The following ROS1 variants were observed in gnomAD, a reference collection of about 807,000 sequenced individuals.
ROS1 encodes the protein ROS proto-oncogene 1, receptor tyrosine kinase.
A neutral mutation model predicts 273.5 loss-of-function variants in ROS1; 263 were observed. The observed-to-expected ratio is 0.96, with a 90% confidence interval of 0.87 to 1.06. The LOEUF (loss-of-function observed/expected upper bound fraction) is 1.06. Ranked by LOEUF, ROS1 falls within the 50% of genes least tolerant of loss-of-function variation. The probability of loss-of-function intolerance (pLI) is 0.00; values close to 1 mark genes in which losing one functional copy is unlikely to be tolerated. For synonymous variants in ROS1, 1,008 were observed against 954.1 expected (o/e 1.06, Z -1.04); for missense variants, 2,833 against 2,751.1 (o/e 1.03, Z -0.67).
rs757843421 is a variant in ROS1 at position 117,337,358 on chromosome 6, G to A, written c.5062-18C>T. The stretch of plus-strand genomic sequence containing the variant: ...TATTTCCACTAGAAAAAGAAGTCTC[G>A]ATTAATATTTTTGTTTCTCTAAGAA... On this transcript the variant is annotated intron_variant, in intron 31 of 43. Transcript: ENST00000368507. 2.0e-5 allele frequency: 32 copies of A among 1,571,890 alleles called. No homozygotes were observed. The highest frequency in any genetic ancestry group is 6.9e-5 in the African/African-American group (5 of 72,490).
At chr6:117,393,113 G>A (rs1289912174) in intron 12 of ROS1, 111 bp downstream of exon 12, 1 of 729,168 alleles carries the variant, frequency 1.4e-6, no homozygotes, top group East Asian at 2.5e-5. Flanking sequence ...CCTAAAGTAA[G>A]ATGCATAGAT....
intron 18 of ROS1, among the ~76,000 whole-genome samples, chr6:117,373,865 C>A (rs1781093494): frequency 6.6e-6 from 1 of 152,216 alleles, no homozygotes; most frequent in Non-Finnish European, 1.5e-5. Flanking sequence ...CAACAGCGAC[C>A]AAGCTGAGAA....
intron 28 of ROS1, among the ~76,000 whole-genome samples, chr6:117,342,818 T>C (rs966525365): frequency 1.6e-4 from 24 of 152,204 alleles, no homozygotes; most frequent in African/African-American, 5.5e-4. Flanking sequence ...AAGAGGACAC[T>C]ATTTCATTAA....
rs745334216 is a variant in ROS1 at position 117,393,258 on chromosome 6, C to T, written c.1255G>A (p.Ala419Thr). 1 of 1,611,970 alleles carries T rather than the reference C, an allele frequency of 6.2e-7. No homozygotes were observed. Among genetic ancestry groups the T allele is most frequent in the Non-Finnish European group, 8.5e-7 (1 of 1,178,274 alleles). Residue 419 changes from alanine (A) to threonine (T), a missense_variant, in exon 12 of 44, where the codon GCA (alanine) becomes ACA (threonine). Transcript: ENST00000368507. The part of the protein sequence containing the change: ...IEEITPPSIS[A>T]PQKIVADSYN... Reference sequence around the variant, plus strand: ...GAATCAGCCACAATTTTTTGAGGTGCACTAATAGAGGGTGGAGTAATTTCC... The same window carrying T: ...GAATCAGCCACAATTTTTTGAGGTGTACTAATAGAGGGTGGAGTAATTTCC...
chr6:117,338,411 T>C (rs1048054011), intron 31 of ROS1, among the ~76,000 whole-genome samples: 9 of 152,000 alleles, frequency 5.9e-5, no homozygotes, highest in African/African-American at 2.2e-4. Context: ...GTCAGGGACA[T>C]TGCCTGCACT....
chr6:117,416,281 G>C lies in ROS1; in HGVS notation c.205C>G (p.Gln69Glu), dbSNP rs1775324534. ...QGCHFWNSVD[Q>E]KNCALKCNDT... ...ACACACTTTAAAGCACAGTTTTTCTGATCTACAGAGTTCCAAAAGTGACAT... is the reference window on the plus strand; with the variant it reads ...ACACACTTTAAAGCACAGTTTTTCTCATCTACAGAGTTCCAAAAGTGACAT... Residue 69 changes from glutamine (Q) to glutamate (E), a missense_variant, in exon 3 of 44, where the codon CAG (glutamine) becomes GAG (glutamate). Transcript: ENST00000368507. The C allele has an allele frequency of 6.3e-7, 1 of 1,597,590 alleles. No homozygotes were observed. The highest frequency in any genetic ancestry group is 1.3e-5 in the African/African-American group (1 of 74,526).
At chr6:117,418,121 A>T (rs1775472415) in intron 2 of ROS1, among the ~76,000 whole-genome samples, 1 of 152,242 alleles carries the variant, frequency 6.6e-6, no homozygotes, top group Non-Finnish European at 1.5e-5. Flanking sequence ...TGTGCAGAAC[A>T]GTAATAAAAC....
chr6:117,304,958 C>T (rs968675419), intron 42 of ROS1, among the ~76,000 whole-genome samples: 1 of 152,104 alleles, frequency 6.6e-6, no homozygotes, highest in Non-Finnish European at 1.5e-5. Flanking sequence ...AAAGACTGTG[C>T]CTGCTTCCCC....
At position 117,322,829 on chromosome 6, in the gene ROS1, T is replaced by G. The variant is rs117585023; in HGVS notation, c.5624-1435A>C. 2.3e-3 allele frequency among the ~76,000 whole-genome samples: 348 copies of G among 152,264 alleles called. 3 individuals are homozygous for G. Among genetic ancestry groups the G allele is most frequent in the Non-Finnish European group, 3.7e-3 (250 of 68,016 alleles). On this transcript the variant is annotated intron_variant, in intron 35 of 43. Transcript: ENST00000368507. ...AATTAGCTTAGCTAGACTCAAAAAT[T>G]CGTGAATTTCAAACAGAATAAAGAC...
At chr6:117,338,782 A>G (rs1016973037) in intron 31 of ROS1, among the ~76,000 whole-genome samples, 1 of 152,136 alleles carries the variant, frequency 6.6e-6, no homozygotes, top group Non-Finnish European at 1.5e-5. Context: ...AGGATATCCC[A>G]GTAAATCACA....
chr6:117,396,813 T>C lies in ROS1; in HGVS notation c.806+102A>G. On this transcript the variant is annotated intron_variant, in intron 8 of 43. Transcript: ENST00000368507. ...CCAACACCATGGAGTCAGTGGCGCT[T>C]CTCAAAGCACATTTAAACTATTTGA... The C allele has an allele frequency of 2.9e-5, 26 of 882,648 alleles. No homozygotes were observed. The South Asian group carries it at 4.2e-4, about 14-fold the overall frequency. 54.7% of individuals were successfully genotyped at this position (882,648 alleles called of 1,614,324 possible).
chr6:117,392,038 T>C (rs1773109073), intron 12 of ROS1, among the ~76,000 whole-genome samples: 1 of 152,188 alleles, frequency 6.6e-6, no homozygotes, highest in Non-Finnish European at 1.5e-5. Context: ...GTGATCGCAT[T>C]TGAATGATCG....
At chr6:117,358,056 T>C in intron 24 of ROS1, 47 bp from the exon 25 acceptor site, 1 of 1,350,394 alleles carries the variant, frequency 7.4e-7, no homozygotes. Flanking sequence ...TGGTTATTTT[T>C]TTATTTGAAG....
rs995979806 is a variant in ROS1 at position 117,339,600 on chromosome 6, C to T, written c.5061+1535G>A. Among the ~76,000 whole-genome samples the T allele has an allele frequency of 2.0e-5, 3 of 152,134 alleles. No homozygotes were observed. In the South Asian group the frequency reaches 6.2e-4, roughly 31 times the overall value. ...ATAGCACTCATCAACCCTTGCAGAA[C>T]CACAGACTTTTACTGTACTCATAGT... On this transcript the variant is annotated intron_variant, in intron 31 of 43. Coordinates refer to ENST00000368507, the MANE Select transcript of ROS1 (RefSeq NM_001378902.1).
chr6:117,423,115 A>C (rs1319166015), intron 1 of ROS1, among the ~76,000 whole-genome samples: 2 of 152,180 alleles, frequency 1.3e-5, no homozygotes, highest in East Asian at 3.9e-4. Flanking sequence ...AACTATGAGA[A>C]TGCAAAGGCA....
chr6:117,360,871 C>T (rs1052189537), intron 22 of ROS1, among the ~76,000 whole-genome samples: 1 of 151,964 alleles, frequency 6.6e-6, no homozygotes, highest in Non-Finnish European at 1.5e-5. Flanking sequence ...TAAAACTGTA[C>T]AAATTATGAT....
At chr6:117,360,035 T>C (rs1189704167) in intron 23 of ROS1, 24 bp from the exon 24 acceptor site, 1 of 1,584,506 alleles carries the variant, frequency 6.3e-7, no homozygotes, top group Non-Finnish European at 8.7e-7. Flanking sequence ...AACATGTAGA[T>C]AATATGCATG....
At position 117,376,819 on chromosome 6, in the gene ROS1, G is replaced by A. The variant is rs780582009; in HGVS notation, c.2582+2240C>T. Among the ~76,000 whole-genome samples the A allele has an allele frequency of 2.6e-5, 4 of 152,104 alleles. No homozygotes were observed. In the South Asian group the frequency reaches 8.3e-4, roughly 31 times the overall value. The stretch of plus-strand genomic sequence containing the variant: ...CATTGATTGGAAGATTCAAAATTTT[G>A]AGATATTCATTCTTCCTAAACTGAA... On this transcript the variant is annotated intron_variant, in intron 18 of 43. Coordinates refer to ENST00000368507, the MANE Select transcript of ROS1 (RefSeq NM_001378902.1).
intron 37 of ROS1, 75 bp downstream of exon 37, chr6:117,319,788 CTTTTA>C: frequency 7.5e-7 from 1 of 1,330,318 alleles, no homozygotes; most frequent in Non-Finnish European, 1.0e-6. Flanking sequence ...GAGCACTCAA[CTTTTA>C]TTATAATTAT....
Sources: allele counts gnomAD v4.1 joint callset (sites outside exome capture counted in the v4.1 genomes callset), GRCh38; gene constraint gnomAD v4.1.1; transcripts MANE v1.5; gene names NCBI Gene and HGNC (gene_info 2026-07-23, HGNC 2026-07-21).